The following HS1BP3 variants were observed in gnomAD, a reference collection of about 807,000 sequenced individuals.
HS1BP3 encodes the protein HCLS1-binding protein 3.
A neutral mutation model predicts 33.5 loss-of-function variants in HS1BP3; 32 were observed. That is an observed-to-expected ratio of 0.95 (90% CI 0.72 to 1.28). The LOEUF is 1.28. HS1BP3 is among the 50% of genes most tolerant of loss of function. The pLI, the probability that HS1BP3 is intolerant of heterozygous loss-of-function variation, is 0.00. For missense variants in HS1BP3, 486 were observed against 502.3 expected, an observed-to-expected ratio of 0.97 and a Z score of 0.31; for synonymous variants, 187 against 209.2, an observed-to-expected ratio of 0.89 and a Z score of 0.92.
At chr2:20,612,022 CA>C (rs1173705895) in intron 2 of HS1BP3, among the ~76,000 whole-genome samples, 5 of 152,342 alleles carry the variant, frequency 3.3e-5, no homozygotes, top group African/African-American at 1.2e-4. Flanking sequence ...AGAATTTCAA[CA>C]GAATGTTAAT....
intron 5 of HS1BP3, among the ~76,000 whole-genome samples, chr2:20,562,015 C>A (rs1693009571): frequency 6.6e-6 from 1 of 152,168 alleles, no homozygotes; most frequent in Non-Finnish European, 1.5e-5. Flanking sequence ...TCCATAAAAA[C>A]CCCAAAGGAC....
chr2:20,621,862 A>T (rs1694611636), intron 6 of HS1BP3, among the ~76,000 whole-genome samples: 1 of 152,160 alleles, frequency 6.6e-6, no homozygotes, highest in Non-Finnish European at 1.5e-5. Flanking sequence ...TTTTCCAAGC[A>T]CCCTATTTCT....
downstream of HS1BP3, among the ~76,000 whole-genome samples, chr2:20,555,602 C>T (rs895063110): frequency 1.3e-5 from 2 of 152,088 alleles, no homozygotes; most frequent in Non-Finnish European, 2.9e-5. Flanking sequence ...CCAACAGAGC[C>T]TTTGGGTTTA....
intron 4 of HS1BP3, chr2:20,634,817 C>T (rs770346527): frequency 1.9e-4 from 29 of 152,236 alleles, no homozygotes; most frequent in Admixed American, 2.0e-4. Flanking sequence ...AACCATAAAA[C>T]GTGGCATTCC....
the HS1BP3 span, among the ~76,000 whole-genome samples, chr2:20,554,093 A>G: frequency 2.8e-4 from 42 of 152,226 alleles, 1 homozygote; most frequent in Admixed American, 2.6e-3. Context: ...CAGGGGAGGA[A>G]GAACTCTGAG....
chr2:20,568,543 TTGTC>T lies in HS1BP3; in HGVS notation c.303-8032_303-8029del, dbSNP rs544932723. 1.8e-3 allele frequency among the ~76,000 whole-genome samples: 269 copies of T among 152,188 alleles called. 1 individual carries two copies. Among genetic ancestry groups the T allele is most frequent in the African/African-American group, 5.7e-3 (238 of 41,516 alleles). The stretch of plus-strand genomic sequence containing the variant: ...GACTTGTGGCTTGTAACTGGGCCCT[TTGTC>T]TGGGGACTAGACAGGAGGTGAGGGA... On this transcript the variant is annotated intron_variant, in intron 5 of 5. Transcript: ENST00000446825.
intron 5 of HS1BP3, among the ~76,000 whole-genome samples, chr2:20,577,088 A>G (rs1441031058): frequency 1.3e-5 from 2 of 152,232 alleles, no homozygotes; most frequent in Admixed American, 1.3e-4. Context: ...TTGGGTTTTC[A>G]GAGTAAACAA....
intron 2 of HS1BP3, among the ~76,000 whole-genome samples, chr2:20,599,307 A>G (rs1694016824): frequency 6.6e-6 from 1 of 152,198 alleles, no homozygotes; most frequent in Non-Finnish European, 1.5e-5. Context: ...GGAGCAGGGA[A>G]GTACATCCCA....
intron 4 of HS1BP3, among the ~76,000 whole-genome samples, chr2:20,629,641 G>C (rs1694907678): frequency 6.6e-6 from 1 of 152,242 alleles, no homozygotes; most frequent in Non-Finnish European, 1.5e-5. Flanking sequence ...TGGGCCCACA[G>C]AGGTTGCATG....
chr2:20,620,141 C>T (rs983407670), intron 6 of HS1BP3, among the ~76,000 whole-genome samples: 6 of 152,254 alleles, frequency 3.9e-5, no homozygotes, highest in Non-Finnish European at 8.8e-5. Flanking sequence ...TCAATCCATT[C>T]CACCCACTCA....
At chr2:20,650,187 T>A (rs1355373229) in intron 1 of HS1BP3, among the ~76,000 whole-genome samples, 1 of 152,246 alleles carries the variant, frequency 6.6e-6, no homozygotes, top group Non-Finnish European at 1.5e-5. Context: ...AACTGGAAGA[T>A]CAACAGTTGG....
intron 5 of HS1BP3, among the ~76,000 whole-genome samples, chr2:20,580,803 G>T (rs1693515351): frequency 6.6e-6 from 1 of 152,228 alleles, no homozygotes. Context: ...AGCTGCTGGT[G>T]GAAGTAAACA....
intron 1 of HS1BP3, among the ~76,000 whole-genome samples, chr2:20,646,058 C>T (rs951652249): frequency 6.6e-6 from 1 of 152,234 alleles, no homozygotes; most frequent in African/African-American, 2.4e-5. Flanking sequence ...CGATGCTGCC[C>T]CTCGAGGTGT....
chr2:20,643,050 C>A (rs1695405651), intron 2 of HS1BP3, among the ~76,000 whole-genome samples: 2 of 152,246 alleles, frequency 1.3e-5, no homozygotes, highest in African/African-American at 4.8e-5. Flanking sequence ...CTCATTAATT[C>A]TTTGAGTTAA....
chr2:20,579,350 T>C (rs1415981826), intron 5 of HS1BP3, among the ~76,000 whole-genome samples: 1 of 152,226 alleles, frequency 6.6e-6, no homozygotes, highest in Non-Finnish European at 1.5e-5. Context: ...TAGTGGGCCG[T>C]GAGCCTACCG....
chr2:20,558,346 C>T (rs530931130), downstream of HS1BP3, among the ~76,000 whole-genome samples: 3 of 152,266 alleles, frequency 2.0e-5, no homozygotes, highest in East Asian at 1.9e-4. Context: ...GAACCGCTTG[C>T]GGCCCCTCTC....
At position 20,575,769 on chromosome 2, in the gene HS1BP3, C is replaced by G. The variant is rs866032261; in HGVS notation, c.303-15254G>C. Among the ~76,000 whole-genome samples the G allele has an allele frequency of 2.0e-3, 308 of 151,962 alleles. 1 individual carries two copies. Among genetic ancestry groups the G allele is most frequent in the African/African-American group, 5.9e-3 (245 of 41,258 alleles). On this transcript the variant is annotated intron_variant, in intron 5 of 5. Transcript: ENST00000446825. ...CTGTCTCCTTGGTTCCACCCCCCCC[C>G]CCCCCTTCAGGCTACCCCAGCAAGG... is the stretch of plus-strand genomic sequence containing the variant.
chr2:20,611,227 T>C lies in HS1BP3; in HGVS notation c.178+12669A>G, dbSNP rs1343641544. Among the ~76,000 whole-genome samples, 1 of 152,218 alleles carries C rather than the reference T, an allele frequency of 6.6e-6. No homozygotes were observed. The highest frequency in any genetic ancestry group is 1.5e-5 in the Non-Finnish European group (1 of 68,034). ...TTGATGGATATTTGGGTTGTTTCCT[T>C]TGGGGGAGGAACCCTTATGAATAAT... is the stretch of plus-strand genomic sequence containing the variant. On this transcript the variant is annotated intron_variant, in intron 2 of 3. Transcript: ENST00000415264. This position sits in a 1 kb window ranked among gnomAD's most constrained non-coding sequence, Gnocchi z 4.9.
chr2:20,559,958 T>G (rs1458512418), downstream of HS1BP3, among the ~76,000 whole-genome samples: 1 of 151,922 alleles, frequency 6.6e-6, no homozygotes, highest in Non-Finnish European at 1.5e-5. Context: ...GAAAGAGAAA[T>G]GAAGCACCCT....
Sources: gnomAD v4.1 joint callset for allele counts (sites outside exome capture counted in the v4.1 genomes callset) on GRCh38, gnomAD v4.1.1 for gene constraint, Gnocchi (gnomAD v3.1) non-coding constraint, MANE v1.5 for transcripts, NCBI Gene and HGNC (gene_info 2026-07-23, HGNC 2026-07-21) for gene names.